Variants in CNTN5 observed in about 807,000 individuals in gnomAD.
CNTN5 encodes contactin 5.
In CNTN5, 77 loss-of-function variants were observed where a neutral mutation model predicts 129.1. The ratio of observed to expected loss-of-function variants is 0.60; its 90% confidence interval spans 0.50 to 0.72. The LOEUF is 0.72. Among genes scored for constraint, CNTN5 ranks in the 30% least tolerant of loss-of-function variants. The pLI is 0.00. For synonymous variants in CNTN5, 509 were observed against 465.6 expected, an observed-to-expected ratio of 1.09 and a Z score of -1.20; for missense variants, 1,478 against 1,328.8, an observed-to-expected ratio of 1.11 and a Z score of -1.75.
At chr11:100,159,047 A>G (rs1224827887) in intron 13 of CNTN5, among the ~76,000 whole-genome samples, 4 of 151,924 alleles carry the variant, frequency 2.6e-5, no homozygotes, top group Non-Finnish European at 4.4e-5. Context: ...CATACTGTTG[A>G]ATGAAAGGAG....
At position 99,105,202 on chromosome 11, in the gene CNTN5, G is replaced by A. The variant is rs989041092; in HGVS notation, c.-210+83932G>A. On this transcript the variant is annotated intron_variant, in intron 1 of 24. Transcript: ENST00000524871. ...ATTAATAAGTACACTTATGTCGTGG[G>A]ATTTGTGTAGATAACTGAGATAATT... Among the ~76,000 whole-genome samples the A allele has an allele frequency of 4.6e-5, 7 of 152,118 alleles. 1 individual carries two copies. In the South Asian group the frequency reaches 1.2e-3, roughly 27 times the overall value.
chr11:99,208,401 C>A (rs544354056), intron 1 of CNTN5, among the ~76,000 whole-genome samples: 1 of 152,172 alleles, frequency 6.6e-6, no homozygotes, highest in South Asian at 2.1e-4. Context: ...ATGGACTTTA[C>A]TCCTGCTTAT....
At chr11:99,745,729 T>A (rs1419531197) in intron 3 of CNTN5, among the ~76,000 whole-genome samples, 2 of 6,168 alleles carry the variant, frequency 3.2e-4, no homozygotes, top group Admixed American at 1.4e-3. Context: ...CCTGAAGACA[T>A]TTTTTTTTTT....
intron 16 of CNTN5, among the ~76,000 whole-genome samples, chr11:100,238,868 C>A (rs1455583028): frequency 2.0e-5 from 3 of 152,068 alleles, no homozygotes; most frequent in Non-Finnish European, 4.4e-5. Context: ...ATTGTTGTGT[C>A]CATCTTATTT....
chr11:99,429,161 A>G (rs1565574975), intron 2 of CNTN5, among the ~76,000 whole-genome samples: 2 of 152,174 alleles, frequency 1.3e-5, no homozygotes, highest in South Asian at 2.1e-4. Context: ...CTTATTTATT[A>G]AAGATTTGCT....
chr11:99,506,543 T>C (rs1192878331), intron 2 of CNTN5, among the ~76,000 whole-genome samples: 1 of 152,146 alleles, frequency 6.6e-6, no homozygotes, highest in African/African-American at 2.4e-5. Context: ...CCTTGAAAAA[T>C]AGTCATTGCA....
At chr11:99,105,769 C>A (rs1445352663) in intron 1 of CNTN5, among the ~76,000 whole-genome samples, 1 of 151,902 alleles carries the variant, frequency 6.6e-6, no homozygotes, top group African/African-American at 2.4e-5. Context: ...CTGCTTTGAA[C>A]AAAATTAGAA....
intron 1 of CNTN5, among the ~76,000 whole-genome samples, chr11:99,078,546 GAATA>G (rs1213649539): frequency 2.4e-4 from 37 of 152,176 alleles, no homozygotes; most frequent in Non-Finnish European, 1.0e-4. Context: ...ATCAACAGAT[GAATA>G]AATAAATAAG....
chr11:99,954,122 T>G lies in CNTN5; in HGVS notation c.674-2684T>G, dbSNP rs148867059. 2.8e-3 allele frequency among the ~76,000 whole-genome samples: 424 copies of G among 152,236 alleles called. 2 individuals are homozygous for G. Among genetic ancestry groups the G allele is most frequent in the African/African-American group, 9.6e-3 (397 of 41,546 alleles). On this transcript the variant is annotated intron_variant, in intron 7 of 24. Transcript: ENST00000524871. ...TAACAAACCTGCATGTTCTGCACAT[T>G]TATCCCAGAACTTAAAGGATAATAA... is the stretch of plus-strand genomic sequence containing the variant.
chr11:99,514,519 A>T (rs1946968662), intron 2 of CNTN5, among the ~76,000 whole-genome samples: 1 of 152,046 alleles, frequency 6.6e-6, no homozygotes, highest in South Asian at 2.1e-4. Flanking sequence ...TAAGTTAAAA[A>T]ATTGCCACAG....
At chr11:99,440,825 G>A (rs573302624) in intron 2 of CNTN5, among the ~76,000 whole-genome samples, 53 of 152,210 alleles carry the variant, frequency 3.5e-4, no homozygotes, top group Middle Eastern at 6.8e-3. Context: ...ATGTAATCCC[G>A]TGATCATCAC....
intron 1 of CNTN5, among the ~76,000 whole-genome samples, chr11:99,177,031 T>C (rs1434645760): frequency 6.6e-6 from 1 of 152,236 alleles, no homozygotes; most frequent in East Asian, 1.9e-4. Flanking sequence ...AATCCAGGTC[T>C]TGAACAGGTC....
intron 3 of CNTN5, among the ~76,000 whole-genome samples, chr11:99,639,582 T>TTTG: frequency 6.9e-6 from 1 of 145,258 alleles, no homozygotes; most frequent in Non-Finnish European, 1.5e-5. Flanking sequence ...TTTTTTTTTT[T>TTTG]GAGACGGAGT....
At chr11:100,279,219 G>C (rs1301493795) in intron 18 of CNTN5, among the ~76,000 whole-genome samples, 1 of 151,590 alleles carries the variant, frequency 6.6e-6, no homozygotes, top group Admixed American at 6.6e-5. Context: ...ATTTTGTTGA[G>C]AAATTTTGCA....
intron 2 of CNTN5, among the ~76,000 whole-genome samples, chr11:99,530,725 A>G (rs1947667494): frequency 6.6e-6 from 1 of 152,182 alleles, no homozygotes; most frequent in Admixed American, 6.5e-5. Flanking sequence ...TTCTTGTGAT[A>G]GTGAATACGT....
At chr11:99,638,227 CTCATGAGACTTACTA>C (rs1951637927) in intron 3 of CNTN5, among the ~76,000 whole-genome samples, 1 of 152,116 alleles carries the variant, frequency 6.6e-6, no homozygotes, top group African/African-American at 2.4e-5. Flanking sequence ...CCCACTGAAT[CTCATGAGACTTACTA>C]TCATGAGACT....
At chr11:99,658,128 A>G (rs910036199) in intron 3 of CNTN5, among the ~76,000 whole-genome samples, 4 of 152,186 alleles carry the variant, frequency 2.6e-5, no homozygotes, top group African/African-American at 9.6e-5. Flanking sequence ...ATTCTAAAAC[A>G]AGAGTGTGCA....
At chr11:99,876,533 T>TG (rs1232642608) in intron 6 of CNTN5, among the ~76,000 whole-genome samples, 1 of 152,046 alleles carries the variant, frequency 6.6e-6, no homozygotes, top group African/African-American at 2.4e-5. Context: ...AGGAGTACAG[T>TG]GGGGGGTATG....
At chr11:100,011,413 AAT>A (rs1459932104) in intron 9 of CNTN5, among the ~76,000 whole-genome samples, 44 of 152,266 alleles carry the variant, frequency 2.9e-4, no homozygotes, top group African/African-American at 9.1e-4. Context: ...CCTGCCAGCT[AAT>A]AGTGTTACAG....
Sources: allele counts gnomAD v4.1 joint callset (sites outside exome capture counted in the v4.1 genomes callset), GRCh38; gene constraint gnomAD v4.1.1; transcripts MANE v1.5; gene names NCBI Gene and HGNC (gene_info 2026-07-23, HGNC 2026-07-21).